DIP2B: variants seen among roughly 807,000 people sequenced by gnomAD.
DIP2B encodes DIP2 acetate--CoA ligase B (putative).
DIP2B carries 76 observed loss-of-function variants against 198.0 expected under a neutral mutation model. The observed-to-expected ratio is 0.38, with a 90% CI of 0.32 to 0.46. The LOEUF (loss-of-function observed/expected upper bound fraction) is 0.46. DIP2B is among the 20% of genes least tolerant of loss of function. The probability of loss-of-function intolerance (pLI) is 0.99; values close to 1 mark genes in which losing one functional copy is unlikely to be tolerated. For missense variants in DIP2B, 1,559 were observed against 1,978.4 expected (o/e 0.79, Z 4.02); for synonymous variants, 701 against 739.1 (o/e 0.95, Z 0.84).
chr12:50,520,396 G>A (rs1958106820), intron 1 of DIP2B, among the ~76,000 whole-genome samples: 1 of 152,242 alleles, frequency 6.6e-6, no homozygotes, highest in East Asian at 1.9e-4. Context: ...GCTTCTGATA[G>A]TTCTTGTTTA....
chr12:50,731,589 C>A, intron 31 of DIP2B, 52 bp downstream of exon 31: 6 of 1,562,110 alleles, frequency 3.8e-6, no homozygotes, highest in Non-Finnish European at 5.2e-6. Context: ...TGAAGAAATG[C>A]GCCAGGACGT....
In DIP2B at chr12:50,735,144, T is replaced by C. The variant is rs771324437; in HGVS notation, c.4101+14T>C. ...GAGTCTGGAAAGGTAATTTGTTCTG[T>C]TGACCATGGGGAAGGTGGGCTGTGT... On this transcript the variant is annotated intron_variant, in intron 34 of 37. Transcript: ENST00000301180. The C allele has an allele frequency of 8.1e-6, 13 of 1,614,034 alleles. No individual in the cohort carries two copies. The East Asian group carries it at 1.1e-4, about 14-fold the overall frequency.
chr12:50,656,468 A>G (rs1938555679), intron 3 of DIP2B, among the ~76,000 whole-genome samples: 1 of 152,236 alleles, frequency 6.6e-6, no homozygotes, highest in Non-Finnish European at 1.5e-5. Flanking sequence ...CTGCCAAAAT[A>G]TGAGCATCAA....
At chr12:50,677,168 A>G (rs1227327874) in intron 7 of DIP2B, among the ~76,000 whole-genome samples, 2 of 152,064 alleles carry the variant, frequency 1.3e-5, no homozygotes, top group African/African-American at 4.8e-5. Context: ...TTTAAGACTC[A>G]GCTCAGACAT....
At chr12:50,671,930 T>C (rs561238750) in intron 5 of DIP2B, among the ~76,000 whole-genome samples, 7 of 152,348 alleles carry the variant, frequency 4.6e-5, no homozygotes, top group Admixed American at 1.3e-4. Flanking sequence ...ATCGATACAC[T>C]GCAGATGCTA....
chr12:50,549,264 C>G (rs767213503), intron 1 of DIP2B, among the ~76,000 whole-genome samples: 1 of 151,534 alleles, frequency 6.6e-6, no homozygotes, highest in Non-Finnish European at 1.5e-5. Context: ...GTCAAGAGAT[C>G]AAGACCATCC....
At chr12:50,690,328 C>T (rs946816642) in intron 12 of DIP2B, among the ~76,000 whole-genome samples, 5 of 152,124 alleles carry the variant, frequency 3.3e-5, no homozygotes, top group African/African-American at 9.7e-5. Flanking sequence ...CCTTGTGATC[C>T]GCCCACCTTG....
intron 1 of DIP2B, among the ~76,000 whole-genome samples, chr12:50,512,107 C>CTT (rs35584870): frequency 0.21 from 25,202 of 122,204 alleles, 3,466 homozygotes; most frequent in East Asian, 0.38. Context: ...AATGTAAGCT[C>CTT]TTTTTTTTTT....
chr12:50,592,745 G>A (rs1474093264), intron 1 of DIP2B, among the ~76,000 whole-genome samples: 1 of 152,114 alleles, frequency 6.6e-6, no homozygotes, highest in Non-Finnish European at 1.5e-5. Context: ...TAAAGTGCTG[G>A]GATTAAGCTG....
chr12:50,532,826 G>A (rs568946946), intron 1 of DIP2B, among the ~76,000 whole-genome samples: 44 of 152,304 alleles, frequency 2.9e-4, no homozygotes, highest in Non-Finnish European at 5.4e-4. Context: ...GGAAGTGGGG[G>A]AAGAAAGGGC....
At chr12:50,566,971 C>CA (rs34854416) in intron 1 of DIP2B, among the ~76,000 whole-genome samples, 23,674 of 77,866 alleles carry the variant, frequency 0.3, 3,144 homozygotes, top group East Asian at 0.45. Flanking sequence ...GACTCCGTCT[C>CA]AAAAAAAAAA....
At chr12:50,509,686 A>AGG (rs1193095784) in intron 1 of DIP2B, among the ~76,000 whole-genome samples, 2 of 32,484 alleles carry the variant, frequency 6.2e-5, no homozygotes, top group Non-Finnish European at 6.0e-4. Context: ...GAAGAGGAAA[A>AGG]AGGAGATGTT....
At chr12:50,604,470 T>G (rs1958965249) in intron 1 of DIP2B, among the ~76,000 whole-genome samples, 1 of 152,312 alleles carries the variant, frequency 6.6e-6, no homozygotes, top group South Asian at 2.1e-4. Flanking sequence ...TTGCATTTTT[T>G]TTTTTGAGAC....
intron 2 of DIP2B, among the ~76,000 whole-genome samples, chr12:50,631,531 C>G (rs887227096): frequency 1.3e-5 from 2 of 152,110 alleles, no homozygotes; most frequent in Non-Finnish European, 2.9e-5. Context: ...GGCCCTGATT[C>G]AAGCGATTCT....
At chr12:50,698,972 A>T in intron 18 of DIP2B, 94 bp from the exon 19 acceptor site, 2 of 1,439,622 alleles carry the variant, frequency 1.4e-6, no homozygotes, top group Non-Finnish European at 1.9e-6. Context: ...CACTCAGTAA[A>T]GGCAGGACTT....
chr12:50,684,237 T>C (rs1443631279), intron 10 of DIP2B, among the ~76,000 whole-genome samples: 1 of 152,256 alleles, frequency 6.6e-6, no homozygotes, highest in Non-Finnish European at 1.5e-5. Flanking sequence ...TGAGACCTTT[T>C]TTAAAGGGAT....
chr12:50,563,362 T>G (rs897129511), intron 1 of DIP2B, among the ~76,000 whole-genome samples: 1 of 152,040 alleles, frequency 6.6e-6, no homozygotes, highest in African/African-American at 2.4e-5. Context: ...AATTTTTGTA[T>G]TTTTTGTAGA....
Position 50,560,454 on chromosome 12 carries a change from G to C in DIP2B, c.100+55214G>C, listed in dbSNP as rs187489255. Reference sequence around the variant, plus strand: ...GTGGTGGCATGTACCTGTAATCCCAGCTACTTGGGAGGCTGAGGCAGGAGA... The same window carrying C: ...GTGGTGGCATGTACCTGTAATCCCACCTACTTGGGAGGCTGAGGCAGGAGA... On this transcript the variant is annotated intron_variant, in intron 1 of 37. Transcript: ENST00000301180. Among the ~76,000 whole-genome samples, 264 of 152,044 alleles carry C rather than the reference G, an allele frequency of 1.7e-3. 2 individuals carry two copies. The highest frequency in any genetic ancestry group is 6.1e-3 in the African/African-American group (253 of 41,514).
chr12:50,729,011 C>T (rs1272140088), intron 30 of DIP2B, among the ~76,000 whole-genome samples: 3 of 152,148 alleles, frequency 2.0e-5, no homozygotes, highest in Non-Finnish European at 4.4e-5. Context: ...ACAGCCAGCA[C>T]GTACCCCCTC....
Sources: allele counts gnomAD v4.1 joint callset (sites outside exome capture counted in the v4.1 genomes callset), GRCh38; gene constraint gnomAD v4.1.1; transcripts MANE v1.5; gene names NCBI Gene and HGNC (gene_info 2026-07-23, HGNC 2026-07-21).